Variants in GLI4 observed in about 807,000 individuals in gnomAD.
GLI4 encodes zinc finger protein GLI4.
In GLI4, 34 loss-of-function variants were observed where a neutral mutation model predicts 30.9. The observed-to-expected ratio is 1.10, with a 90% CI of 0.84 to 1.47. The LOEUF is 1.47. GLI4 is among the 40% of genes most tolerant of loss of function. The probability of loss-of-function intolerance (pLI) is 0.00; values close to 1 mark genes in which losing one functional copy is unlikely to be tolerated. For missense variants in GLI4, 696 were observed against 538.9 expected, an observed-to-expected ratio of 1.29 and a Z score of -2.89; for synonymous variants, 277 against 236.7, an observed-to-expected ratio of 1.17 and a Z score of -1.56.
chr8:143,275,166 G>A, intron 3 of GLI4: 2 of 1,535,814 alleles, frequency 1.3e-6, no homozygotes, highest in Non-Finnish European at 1.7e-6. Context: ...GAGTTATCCT[G>A]TGTCCCCTCC....
intron 2 of GLI4, among the ~76,000 whole-genome samples, chr8:143,273,674 CAG>C (rs1563736283): frequency 6.6e-6 from 1 of 152,092 alleles, no homozygotes; most frequent in African/African-American, 2.4e-5. Context: ...GTGTTATGAA[CAG>C]GGTGTGGACA....
chr8:143,274,939 C>G (rs1217332719), intron 3 of GLI4, 137 bp downstream of exon 3: 1 of 1,472,618 alleles, frequency 6.8e-7, no homozygotes, highest in Non-Finnish European at 9.0e-7. Flanking sequence ...GGCATCAGCT[C>G]ACCTCTGCCC....
intron 1 of GLI4, among the ~76,000 whole-genome samples, chr8:143,268,843 G>GCTC (rs1815200843): frequency 7.2e-6 from 1 of 138,850 alleles, no homozygotes; most frequent in Non-Finnish European, 1.5e-5. Context: ...CTCCTTTGCT[G>GCTC]CTGCTGCTGC....
At chr8:143,274,120 C>T (rs1327830715) in intron 2 of GLI4, among the ~76,000 whole-genome samples, 1 of 152,138 alleles carries the variant, frequency 6.6e-6, no homozygotes, top group Non-Finnish European at 1.5e-5. Context: ...GTGAGGGGCT[C>T]ATAGATGGGC....
At position 143,276,073 on chromosome 8, in the gene GLI4, G is replaced by C; in HGVS notation, c.400G>C (p.Val134Leu). 1 of 1,400,720 alleles carries C rather than the reference G, an allele frequency of 7.1e-7. No homozygotes were observed. The highest frequency in any genetic ancestry group is 9.2e-7 in the Non-Finnish European group (1 of 1,088,694). 86.8% of individuals were successfully genotyped at this position (1,400,720 alleles called of 1,614,324 possible). ...GCCGGCGGGCCAGCCGCCTGGGGCC[G>C]TCCCTTGCGCCCAGCCGCGGGGCGC... ...ERPAGQPPGA[V>L]PCAQPRGAWR... The change falls in exon 4 of 4, where the codon GTC becomes CTC. Residue 134 changes from valine (V) to leucine (L), a missense_variant. Physicochemically the swap from Val to Leu is conservative, Grantham distance 32 (BLOSUM62 1). Coordinates refer to ENST00000340042, the MANE Select transcript of GLI4 (RefSeq NM_138465.4).
intron 2 of GLI4, 74 bp downstream of exon 2, chr8:143,269,594 G>T: frequency 7.9e-7 from 1 of 1,272,276 alleles, no homozygotes. Flanking sequence ...GTCTCCTCCT[G>T]ACCTGCCACG....
At chr8:143,273,474 G>C (rs1456719369) in intron 2 of GLI4, 1 of 152,302 alleles carries the variant, frequency 6.6e-6, no homozygotes, top group East Asian at 1.9e-4. Context: ...AGGTCTCCCA[G>C]GGGCCGACCT....
chr8:143,272,792 C>T (rs1815298457), intron 2 of GLI4, among the ~76,000 whole-genome samples: 1 of 152,166 alleles, frequency 6.6e-6, no homozygotes, highest in African/African-American at 2.4e-5. Flanking sequence ...CCATCCTCCC[C>T]TAGAGAAGGT....
chr8:143,267,964 T>C, intron 1 of GLI4: 1 of 985,394 alleles, frequency 1.0e-6, no homozygotes, highest in Non-Finnish European at 1.2e-6. Flanking sequence ...CCCTTCCCCC[T>C]TCAGTCTGGA....
At chr8:143,270,413 T>C (rs1815241869) in intron 2 of GLI4, among the ~76,000 whole-genome samples, 1 of 152,178 alleles carries the variant, frequency 6.6e-6, no homozygotes, top group East Asian at 1.9e-4. Flanking sequence ...CAGCTTGGCA[T>C]CCACTCCCCT....
At position 143,275,894 on chromosome 8, in the gene GLI4, C is replaced by A; in HGVS notation, c.224-3C>A. 1 of 1,290,126 alleles carries A rather than the reference C, an allele frequency of 7.8e-7. No individual in the cohort carries two copies. The highest frequency in any genetic ancestry group is 9.8e-7 in the Non-Finnish European group (1 of 1,016,574). The allele number at this position is 1,290,126 out of a possible 1,614,324, so 79.9% of individuals were successfully genotyped here. On this transcript the variant is annotated splice_region_variant and splice_polypyrimidine_tract_variant and intron_variant, in intron 3 of 3. Transcript: ENST00000340042. ...TATCCGCCTCTGCCGTTTCTCATTT[C>A]AGACTCCGAGCCCAAGCCGGAGCAG...
At chr8:143,270,172 T>C (rs528221073) in intron 2 of GLI4, among the ~76,000 whole-genome samples, 3 of 152,332 alleles carry the variant, frequency 2.0e-5, no homozygotes, top group African/African-American at 7.2e-5. Flanking sequence ...CAAGGCCCCA[T>C]ATAGGTCAAG....
rs773909834 is a variant in GLI4 at position 143,276,248 on chromosome 8, T to G, written c.575T>G (p.Phe192Cys). 8.1e-6 allele frequency: 13 copies of G among 1,609,910 alleles called. No homozygotes were observed. In the Admixed American group the frequency reaches 2.2e-4, roughly 27 times the overall value. Residue 192 changes from phenylalanine (F) to cysteine (C), a missense_variant, in exon 4 of 4, where the codon TTC (phenylalanine) becomes TGC (cysteine). Coordinates refer to ENST00000340042, the MANE Select transcript of GLI4 (RefSeq NM_138465.4). ...AGGTGCGAGGCCTGCGGCAAGAGTTTCAAGTATAACTCGCTGCTCCTGAAG... is the reference window on the plus strand; with the variant it reads ...AGGTGCGAGGCCTGCGGCAAGAGTTGCAAGTATAACTCGCTGCTCCTGAAG... ...PHRCEACGKS[F>C]KYNSLLLKHQ... is the part of the protein sequence containing the mutation.
At chr8:143,274,093 G>A (rs1815331017) in intron 2 of GLI4, among the ~76,000 whole-genome samples, 1 of 152,192 alleles carries the variant, frequency 6.6e-6, no homozygotes, top group African/African-American at 2.4e-5. Context: ...GGGTGCCCAA[G>A]CCTGGTGTGC....
chr8:143,267,971 T>C (rs1815175955), intron 1 of GLI4: 2 of 985,428 alleles, frequency 2.0e-6, no homozygotes, highest in Non-Finnish European at 2.4e-6. Context: ...CCCTTCAGTC[T>C]GGAGCTCAGA....
chr8:143,271,216 G>T (rs548474557), intron 2 of GLI4, among the ~76,000 whole-genome samples: 3 of 152,228 alleles, frequency 2.0e-5, no homozygotes, highest in Non-Finnish European at 4.4e-5. Context: ...TGGGCCCTGA[G>T]AACAGCAAGT....
At chr8:143,273,460 C>T (rs560509609) in intron 2 of GLI4, 2 of 152,372 alleles carry the variant, frequency 1.3e-5, no homozygotes, top group East Asian at 1.9e-4. Flanking sequence ...AGCCTGGGTT[C>T]GGAAGGTCTC....
Position 143,276,072 on chromosome 8 carries a change from C to T in GLI4, c.399C>T (p.Ala133=), listed in dbSNP as rs1207780986. 5.0e-6 allele frequency: 7 copies of T among 1,400,944 alleles called. No homozygotes were observed. The highest frequency in any genetic ancestry group is 3.3e-5 in the South Asian group (2 of 61,530). The allele number at this position is 1,400,944 out of a possible 1,614,324, so 86.8% of individuals were successfully genotyped here. The change falls in exon 4 of 4, where the codon GCC becomes GCT. Residue 133 remains alanine, a synonymous_variant. Transcript: ENST00000340042. ...AERPAGQPPG[A]VPCAQPRGAW... is the part of the protein sequence containing the mutation. The stretch of plus-strand genomic sequence containing the variant: ...GGCCGGCGGGCCAGCCGCCTGGGGC[C>T]GTCCCTTGCGCCCAGCCGCGGGGCG...
In GLI4 at chr8:143,276,601, C is replaced by T. The variant is rs751523342; in HGVS notation, c.928C>T (p.Leu310Phe). ...CGKAFIWSSV[L>F]IEHQRIHTGE... The stretch of plus-strand genomic sequence containing the variant: ...CAAGGCCTTCATCTGGAGCTCCGTG[C>T]TCATCGAGCACCAGCGCATCCACAC... The change falls in exon 4 of 4, where the codon CTC becomes TTC. Residue 310 changes from leucine (L) to phenylalanine (F), a missense_variant. Leu to Phe is a conservative substitution (Grantham distance 22). Coordinates refer to ENST00000340042, the MANE Select transcript of GLI4 (RefSeq NM_138465.4). 1 of 1,611,074 alleles carries T rather than the reference C, an allele frequency of 6.2e-7. No individual in the cohort carries two copies.
Sources: gnomAD v4.1 joint callset for allele counts (sites outside exome capture counted in the v4.1 genomes callset) on GRCh38, gnomAD v4.1.1 for gene constraint, MANE v1.5 for transcripts, NCBI Gene and HGNC (gene_info 2026-07-23, HGNC 2026-07-21) for gene names.